The following FLRT1 variants were observed in gnomAD, a reference collection of about 807,000 sequenced individuals.
FLRT1 encodes the protein fibronectin leucine rich transmembrane protein 1.
FLRT1 carries 14 observed loss-of-function variants against 30.9 expected under a neutral mutation model. The ratio of observed to expected loss-of-function variants is 0.45; its 90% CI spans 0.30 to 0.71. The LOEUF (loss-of-function observed/expected upper bound fraction) is 0.71. Among genes scored for constraint, FLRT1 ranks in the 30% least tolerant of loss-of-function variants. The pLI is 0.08. For synonymous variants in FLRT1, 368 were observed against 430.4 expected, an observed-to-expected ratio of 0.85 and a Z score of 1.80; for missense variants, 737 against 949.2, an observed-to-expected ratio of 0.78 and a Z score of 2.94.
Position 64,116,393 on chromosome 11 carries a change from C to T in FLRT1, c.126C>T (p.Ile42=), listed in dbSNP as rs773432614. The T allele has an allele frequency of 3.7e-6, 6 of 1,613,926 alleles. No homozygotes were observed. The highest frequency in any genetic ancestry group is 2.2e-5 in the East Asian group (1 of 44,880). The change falls in exon 3 of 3, where the codon ATC becomes ATT. Residue 42 remains isoleucine (I), a synonymous_variant. Coordinates refer to ENST00000682287, the MANE Select transcript of FLRT1 (RefSeq NM_013280.5). ...RDWLFLCYGL[I]AFLTEVIDST... ...GGCTGTTCCTCTGCTACGGGCTCAT[C>T]GCCTTCCTGACGGAGGTCATCGACA...
At chr11:64,107,434 T>C (rs900999415) in intron 2 of FLRT1, among the ~76,000 whole-genome samples, 2 of 152,176 alleles carry the variant, frequency 1.3e-5, no homozygotes, top group Non-Finnish European at 2.9e-5. Context: ...CCTGTTTTTT[T>C]AAAAGCGATT....
chr11:64,114,170 G>A (rs530794889), intron 2 of FLRT1, among the ~76,000 whole-genome samples: 6 of 151,256 alleles, frequency 4.0e-5, no homozygotes, highest in African/African-American at 1.2e-4. Context: ...ATGGATGCAT[G>A]GATGCCTGGA....
chr11:64,101,177 A>T (rs888023684), intron 1 of FLRT1, among the ~76,000 whole-genome samples: 3 of 152,016 alleles, frequency 2.0e-5, no homozygotes, highest in Admixed American at 6.5e-5. Context: ...ATTCTTACAG[A>T]AGGGGAACAG....
chr11:64,110,740 G>A (rs1565237188), intron 2 of FLRT1, among the ~76,000 whole-genome samples: 1 of 152,200 alleles, frequency 6.6e-6, no homozygotes, highest in Non-Finnish European at 1.5e-5. Flanking sequence ...AGGGATCCAC[G>A]CAAGGGCGAC....
Position 64,116,475 on chromosome 11 carries a change from C to A in FLRT1, c.208C>A (p.Arg70=), listed in dbSNP as rs139162750. 6.2e-7 allele frequency: 1 copy of A among 1,613,968 alleles called. No individual in the cohort carries two copies. Among genetic ancestry groups the A allele is most frequent in the African/African-American group, 1.3e-5 (1 of 74,924 alleles). Residue 70 remains arginine, a synonymous_variant, in exon 3 of 3, where the codon CGG becomes AGG. Transcript: ENST00000682287. ...CAACGGCTTCATCTACTGCAACGAC[C>A]GGGGACTCACATCCATCCCCGCAGA... ...CDNGFIYCND[R]GLTSIPADIP...
intron 1 of FLRT1, among the ~76,000 whole-genome samples, chr11:64,056,430 AGGGGAGGAGGGT>A (rs1032267502): frequency 5.3e-5 from 8 of 152,030 alleles, no homozygotes; most frequent in South Asian, 2.1e-4. Context: ...AGGCTGCCTG[AGGGGAGGAGGGT>A]GGGGAGGAAG....
intron 2 of FLRT1, among the ~76,000 whole-genome samples, chr11:64,112,575 T>C (rs1944881759): frequency 6.6e-6 from 1 of 152,104 alleles, no homozygotes; most frequent in South Asian, 2.1e-4. Context: ...TAGTTGGTGG[T>C]AAATACTATA....
At chr11:64,069,427 G>A (rs2134457603) in intron 1 of FLRT1, among the ~76,000 whole-genome samples, 1 of 152,338 alleles carries the variant, frequency 6.6e-6, no homozygotes, top group Admixed American at 6.5e-5. Context: ...CAGGGACCCT[G>A]GGGGTCTTGG....
chr11:64,042,160 A>C (rs1590828093), intron 1 of FLRT1, among the ~76,000 whole-genome samples: 2 of 152,314 alleles, frequency 1.3e-5, no homozygotes, highest in South Asian at 2.1e-4. Context: ...TCTGGTGGGC[A>C]CACATGCACC....
At chr11:64,115,656 G>A (rs575889089) in intron 2 of FLRT1, among the ~76,000 whole-genome samples, 2 of 152,234 alleles carry the variant, frequency 1.3e-5, no homozygotes, top group African/African-American at 4.8e-5. Flanking sequence ...GTTCCCGCAG[G>A]TTCTGGCGAC....
intron 1 of FLRT1, among the ~76,000 whole-genome samples, chr11:64,099,606 G>A (rs1206897984): frequency 6.6e-6 from 1 of 151,912 alleles, no homozygotes; most frequent in African/African-American, 2.4e-5. Context: ...ATGGAAGGAT[G>A]AATACAGAGA....
At chr11:64,108,703 G>T (rs1944807598) in intron 2 of FLRT1, among the ~76,000 whole-genome samples, 1 of 152,244 alleles carries the variant, frequency 6.6e-6, no homozygotes, top group Admixed American at 6.5e-5. Flanking sequence ...CCCGCAGTCT[G>T]CCTGCACGGC....
intron 1 of FLRT1, among the ~76,000 whole-genome samples, chr11:64,044,441 GT>G (rs1943546945): frequency 6.6e-6 from 1 of 152,026 alleles, no homozygotes; most frequent in Non-Finnish European, 1.5e-5. Context: ...CAGAGACAGG[GT>G]TTCCTTATGT....
intron 1 of FLRT1, among the ~76,000 whole-genome samples, chr11:64,046,463 C>G (rs1943585923): frequency 6.6e-6 from 1 of 152,194 alleles, no homozygotes; most frequent in African/African-American, 2.4e-5. Context: ...CCTACCCTTG[C>G]CCTGGACCCC....
At chr11:64,041,006 C>T (rs185169739) in intron 1 of FLRT1, among the ~76,000 whole-genome samples, 1 of 151,712 alleles carries the variant, frequency 6.6e-6, no homozygotes, top group Non-Finnish European at 1.5e-5. Flanking sequence ...AGGCAGTGGC[C>T]GGGCTGGTTG....
chr11:64,093,014 G>A (rs1301998523), intron 1 of FLRT1, among the ~76,000 whole-genome samples: 1 of 152,204 alleles, frequency 6.6e-6, no homozygotes, highest in Admixed American at 6.5e-5. Context: ...CCACACCGGA[G>A]TGGCTGGTGT....
rs2622417 is a variant in FLRT1, at chr11:64,064,670, C to A, written c.-1038+28511C>A. Among the ~76,000 whole-genome samples, 4,451 of 136,320 alleles carry A rather than the reference C, an allele frequency of 0.033. 217 individuals carry two copies. The highest frequency in any genetic ancestry group is 0.13 in the African/African-American group (4,170 of 32,656). 89.4% of individuals were successfully genotyped at this position (136,320 alleles called of 152,430 possible). A position where few individuals can be genotyped will look rare whatever the true frequency, so the allele number is the denominator to read the frequency against. On this transcript the variant is annotated intron_variant, in intron 1 of 2. Coordinates refer to ENST00000682287, the MANE Select transcript of FLRT1 (RefSeq NM_013280.5). The surrounding 1 kb of genome is among the most constrained non-coding windows in gnomAD (Gnocchi z 4.5). Reference sequence around the variant, plus strand: ...TAGGGGCCTCTGGCAGGACATTAAACGGCACCGAGATAGAAGGAGGGGGGC... The same window carrying A: ...TAGGGGCCTCTGGCAGGACATTAAAAGGCACCGAGATAGAAGGAGGGGGGC...
chr11:64,042,875 G>A (rs1280620121), intron 1 of FLRT1, among the ~76,000 whole-genome samples: 2 of 152,196 alleles, frequency 1.3e-5, no homozygotes, highest in African/African-American at 4.8e-5. Flanking sequence ...AGTTTCCAGG[G>A]GCTTCTGGCT....
chr11:64,068,006 C>T lies in FLRT1; in HGVS notation c.-1038+31847C>T, dbSNP rs72918414. On this transcript the variant is annotated intron_variant, in intron 1 of 2. Transcript: ENST00000682287. ...ACAGCCTTGCAATAAAAGCTCAGAA[C>T]GGAAAACCGCCGGTCTTGGGGGTTA... Among the ~76,000 whole-genome samples the T allele has an allele frequency of 1.7e-3, 263 of 152,238 alleles. 1 individual carries two copies. Among genetic ancestry groups the T allele is most frequent in the South Asian group, 3.7e-3 (18 of 4,816 alleles).
Sources: gnomAD v4.1 joint callset for allele counts (sites outside exome capture counted in the v4.1 genomes callset) on GRCh38, gnomAD v4.1.1 for gene constraint, Gnocchi (gnomAD v3.1) non-coding constraint, MANE v1.5 for transcripts, NCBI Gene and HGNC (gene_info 2026-07-23, HGNC 2026-07-21) for gene names.